SUPT3H: variants seen among roughly 807,000 people sequenced by gnomAD.
The protein encoded by SUPT3H is transcription initiation protein SPT3 homolog.
Under a neutral mutation model 44.3 loss-of-function variants are expected in SUPT3H, and 44 were observed. The ratio of observed to expected loss-of-function variants is 0.99; its 90% CI spans 0.78 to 1.28. The LOEUF is 1.28. Among genes scored for constraint, SUPT3H ranks in the 50% most tolerant of loss-of-function variants. The pLI, the probability that SUPT3H is intolerant of heterozygous loss-of-function variation, is 0.00. For synonymous variants in SUPT3H, 124 were observed against 125.6 expected (o/e 0.99, Z 0.09); for missense variants, 380 against 387.1 (o/e 0.98, Z 0.15).
At chr6:45,298,007 T>C (rs1052764689) in intron 2 of SUPT3H, among the ~76,000 whole-genome samples, 1 of 152,230 alleles carries the variant, frequency 6.6e-6, no homozygotes, top group African/African-American at 2.4e-5. Flanking sequence ...AGCTGATAAT[T>C]TGTAGAGCCA....
rs902902766 is a variant in SUPT3H, at chr6:44,975,638, C to T, written c.505-13810G>A. ...ACACTTGGGTACAGTGTACACTGCT[C>T]GGGTTACAGTGCACCAAAATCTTAG... is the stretch of plus-strand genomic sequence containing the variant. On this transcript the variant is annotated intron_variant, in intron 6 of 10. Transcript: ENST00000371459. Among the ~76,000 whole-genome samples, 5 of 8,696 alleles carry T rather than the reference C, an allele frequency of 5.7e-4. No homozygotes were observed. The South Asian group carries it at 0.012, about 21-fold the overall frequency. The allele number at this position is 8,696 out of a possible 152,430, so 5.7% of individuals were successfully genotyped here.
At chr6:45,237,752 AG>A (rs1407126579) in intron 2 of SUPT3H, among the ~76,000 whole-genome samples, 1 of 152,220 alleles carries the variant, frequency 6.6e-6, no homozygotes, top group African/African-American at 2.4e-5. Context: ...CTGAACAATT[AG>A]AAAAAGGACA....
intron 10 of SUPT3H, among the ~76,000 whole-genome samples, chr6:44,881,029 T>C (rs904961374): frequency 2.0e-5 from 3 of 152,138 alleles, no homozygotes; most frequent in African/African-American, 7.2e-5. Flanking sequence ...GGCATCATAA[T>C]GACCAGATCA....
chr6:45,065,008 T>G (rs1792991370), intron 3 of SUPT3H, among the ~76,000 whole-genome samples: 1 of 150,956 alleles, frequency 6.6e-6, no homozygotes, highest in Non-Finnish European at 1.5e-5. Flanking sequence ...AGAATATACA[T>G]TTTTTTCAGC....
rs115327236 is a variant in SUPT3H, at chr6:44,840,020, T to A, written c.913-10163A>T. On this transcript the variant is annotated intron_variant, in intron 10 of 10. Coordinates refer to ENST00000371459, the MANE Select transcript of SUPT3H (RefSeq NM_003599.4). Reference sequence around the variant, plus strand: ...CAGCCCAGCACCAGTTTTTGACTACTGAATTAAGAAGTCAGTTGAAATTCT... The same window carrying A: ...CAGCCCAGCACCAGTTTTTGACTACAGAATTAAGAAGTCAGTTGAAATTCT... Among the ~76,000 whole-genome samples the A allele has an allele frequency of 6.8e-3, 1,029 of 152,312 alleles. 18 individuals are homozygous for A. Among genetic ancestry groups the A allele is most frequent in the African/African-American group, 0.023 (953 of 41,570 alleles).
intron 2 of SUPT3H, among the ~76,000 whole-genome samples, chr6:45,182,833 G>C (rs1195400961): frequency 6.6e-6 from 1 of 152,168 alleles, no homozygotes; most frequent in Non-Finnish European, 1.5e-5. Context: ...AAAATAACAA[G>C]TGTTGGCCTG....
intron 2 of SUPT3H, among the ~76,000 whole-genome samples, chr6:45,120,685 A>G (rs1801537644): frequency 6.6e-6 from 1 of 152,150 alleles, no homozygotes; most frequent in Non-Finnish European, 1.5e-5. Flanking sequence ...AATTCTTCCA[A>G]GTCAAAAGCA....
At chr6:45,133,138 G>A (rs1803738381) in intron 2 of SUPT3H, among the ~76,000 whole-genome samples, 1 of 152,290 alleles carries the variant, frequency 6.6e-6, no homozygotes, top group African/African-American at 2.4e-5. Flanking sequence ...TAATTGCTTA[G>A]ACTGCTTAGC....
rs2153407424 is a variant in SUPT3H at position 44,827,112 on chromosome 6, CTTAT to C, written c.*2700_*2703del. On this transcript the variant is annotated 3_prime_UTR_variant, in exon 11 of 11. Coordinates refer to ENST00000371459, the MANE Select transcript of SUPT3H (RefSeq NM_003599.4). ...TCAAGAGACGCTATTTATTTATTGGCTTATTTATTTTCAAATTCAGTCTCTAAAA... is the reference window on the plus strand; with the variant it reads ...TCAAGAGACGCTATTTATTTATTGGCTTATTTTCAAATTCAGTCTCTAAAA... 6.6e-6 allele frequency among the ~76,000 whole-genome samples: 1 copy of C among 152,024 alleles called. No individual in the cohort carries two copies. Among genetic ancestry groups the C allele is most frequent in the Non-Finnish European group, 1.5e-5 (1 of 67,918 alleles).
At chr6:44,906,192 T>C (rs188128576) in intron 10 of SUPT3H, among the ~76,000 whole-genome samples, 58 of 152,292 alleles carry the variant, frequency 3.8e-4, no homozygotes, top group African/African-American at 1.1e-3. Flanking sequence ...TTTAGTTATT[T>C]TGAAGAAATA....
At chr6:45,260,050 C>T (rs1375553870) in intron 2 of SUPT3H, among the ~76,000 whole-genome samples, 3 of 152,144 alleles carry the variant, frequency 2.0e-5, no homozygotes, top group East Asian at 1.9e-4. Context: ...TGTTCTTCAT[C>T]GAAGTCTAAA....
chr6:45,011,109 C>A (rs561309829), intron 5 of SUPT3H, among the ~76,000 whole-genome samples: 1 of 152,162 alleles, frequency 6.6e-6, no homozygotes, highest in East Asian at 1.9e-4. Context: ...TTGCTGAATT[C>A]AGTTTAATGG....
intron 2 of SUPT3H, among the ~76,000 whole-genome samples, chr6:45,221,036 T>C (rs1033021068): frequency 2.0e-5 from 3 of 152,200 alleles, no homozygotes; most frequent in African/African-American, 7.2e-5. Context: ...TAGAATACTA[T>C]GCAGCCATAA....
At chr6:45,080,764 A>G (rs553315708) in intron 3 of SUPT3H, among the ~76,000 whole-genome samples, 5 of 152,208 alleles carry the variant, frequency 3.3e-5, no homozygotes, top group Admixed American at 2.0e-4. Context: ...ACAGATGGTT[A>G]CCAGAGGCTG....
At chr6:45,242,019 A>G (rs1047223891) in intron 2 of SUPT3H, among the ~76,000 whole-genome samples, 1 of 152,238 alleles carries the variant, frequency 6.6e-6, no homozygotes, top group Non-Finnish European at 1.5e-5. Flanking sequence ...ACATTATTCC[A>G]ACAGTATTCT....
chr6:44,977,224 G>C (rs1778454686), intron 6 of SUPT3H, among the ~76,000 whole-genome samples: 1 of 152,192 alleles, frequency 6.6e-6, no homozygotes, highest in Admixed American at 6.5e-5. Context: ...AAGCTTTAAA[G>C]AAGCAAAGGA....
intron 2 of SUPT3H, among the ~76,000 whole-genome samples, chr6:45,324,993 C>A (rs902879884): frequency 3.3e-5 from 5 of 151,320 alleles, no homozygotes; most frequent in African/African-American, 4.9e-5. Flanking sequence ...AATATAAGGC[C>A]AAATAGATCC....
chr6:45,045,694 AC>A (rs1208237481), intron 3 of SUPT3H, among the ~76,000 whole-genome samples: 1 of 152,072 alleles, frequency 6.6e-6, no homozygotes, highest in African/African-American at 2.4e-5. Context: ...ACATGTGCTT[AC>A]TGGTCATTCA....
intron 3 of SUPT3H, among the ~76,000 whole-genome samples, chr6:45,099,882 C>T (rs1362412100): frequency 2.6e-5 from 4 of 152,056 alleles, no homozygotes; most frequent in Admixed American, 1.3e-4. Flanking sequence ...GCAAAGAACA[C>T]CTCAGGGCCA....
Sources: allele counts gnomAD v4.1 joint callset (sites outside exome capture counted in the v4.1 genomes callset), GRCh38; gene constraint gnomAD v4.1.1; transcripts MANE v1.5; gene names NCBI Gene and HGNC (gene_info 2026-07-23, HGNC 2026-07-21).